The following TNS1 variants were observed in gnomAD, a reference collection of about 807,000 sequenced individuals.
TNS1 encodes the protein tensin 1, also known as tensin-1.
A neutral mutation model predicts 168.6 loss-of-function variants in TNS1; 62 were observed. The observed-to-expected ratio is 0.37, with a 90% CI of 0.30 to 0.45. The LOEUF is 0.45. TNS1 is among the 20% of genes least tolerant of loss of function. TNS1 has a pLI of 1.00. For synonymous variants in TNS1, 934 were observed against 933.2 expected, an observed-to-expected ratio of 1.00 and a Z score of -0.02; for missense variants, 2,240 against 2,339.4, an observed-to-expected ratio of 0.96 and a Z score of 0.88.
At chr2:217,869,987 G>T (rs1489714511) in intron 18 of TNS1, among the ~76,000 whole-genome samples, 1 of 150,750 alleles carries the variant, frequency 6.6e-6, no homozygotes, top group African/African-American at 2.4e-5. Flanking sequence ...CCACCCCACC[G>T]CAGTGACCAG....
At chr2:217,841,289 C>A in intron 19 of TNS1, 1 of 983,912 alleles carries the variant, frequency 1.0e-6, no homozygotes, top group Non-Finnish European at 1.2e-6. Context: ...TTGTACGCTG[C>A]CCACCCCCCA....
chr2:217,842,085 T>C (rs1946046983), intron 19 of TNS1: 1 of 702,962 alleles, frequency 1.4e-6, no homozygotes, highest in African/African-American at 1.7e-5. Flanking sequence ...TCCATGCCAG[T>C]TCCTATGCTG....
At chr2:217,869,776 C>CG (rs1949615339) in intron 18 of TNS1, among the ~76,000 whole-genome samples, 1 of 152,198 alleles carries the variant, frequency 6.6e-6, no homozygotes, top group Admixed American at 6.5e-5. Flanking sequence ...CAATAGCAGA[C>CG]GGGGGAATGG....
rs764628379 is a variant in TNS1 at position 217,818,398 on chromosome 2, T to C, written c.3934A>G (p.Ser1312Gly). Residue 1312 changes from serine (S) to glycine (G), a missense_variant, in exon 24 of 33, where the codon AGC (serine) becomes GGC (glycine). By Grantham distance (56) the Ser-to-Gly change is moderately conservative. Transcript: ENST00000682258. ...RAINPSMAAPSSPSLSHHQMM... is the reference protein window; with the variant it reads ...RAINPSMAAPGSPSLSHHQMM... ...TGGTGATGGCTCAAACTGGGACTGCTGGGGGCAGCCATGCTGGGATTGATG... is the reference window on the plus strand; with the variant it reads ...TGGTGATGGCTCAAACTGGGACTGCCGGGGGCAGCCATGCTGGGATTGATG... 4 of 1,614,114 alleles carry C rather than the reference T, an allele frequency of 2.5e-6. No individual in the cohort carries two copies. The highest frequency in any genetic ancestry group is 2.5e-6 in the Non-Finnish European group (3 of 1,180,002).
At chr2:218,031,443 G>C (rs973421882) in intron 1 of TNS1, among the ~76,000 whole-genome samples, 4 of 150,912 alleles carry the variant, frequency 2.7e-5, no homozygotes, top group African/African-American at 9.8e-5. Context: ...GTGTGCATGT[G>C]TGTATGAGCA....
chr2:217,819,610 C>CA (rs1196395874), intron 23 of TNS1, among the ~76,000 whole-genome samples: 1 of 152,190 alleles, frequency 6.6e-6, no homozygotes, highest in East Asian at 1.9e-4. Flanking sequence ...TCTAGGTCTG[C>CA]ATGGAGTGAC....
chr2:217,807,962 T>C (rs990249146), intron 32 of TNS1, 113 bp downstream of exon 32: 2 of 1,298,730 alleles, frequency 1.5e-6, no homozygotes, highest in African/African-American at 2.9e-5. Context: ...GGCACAAAGG[T>C]TTTTGCTGCT....
At chr2:217,951,979 C>T (rs10177639) in intron 3 of TNS1, among the ~76,000 whole-genome samples, 14,537 of 152,282 alleles carry the variant, frequency 0.095, 1,461 homozygotes, top group African/African-American at 0.25. Context: ...CCGCAGTGGC[C>T]CAGGCCCTGT....
chr2:217,879,954 G>A (rs1056848461), intron 18 of TNS1, among the ~76,000 whole-genome samples: 13 of 152,212 alleles, frequency 8.5e-5, no homozygotes, highest in East Asian at 1.9e-4. Flanking sequence ...CCTGGGTCAC[G>A]GGGGTAAATC....
intron 3 of TNS1, among the ~76,000 whole-genome samples, chr2:217,954,213 G>T (rs1160529606): frequency 2.6e-5 from 4 of 152,188 alleles, no homozygotes; most frequent in Admixed American, 2.6e-4. Context: ...GGCTCCTAGG[G>T]CTCTATTCTG....
At chr2:217,882,553 T>C (rs1280740351) in intron 16 of TNS1, 142 bp from the exon 17 acceptor site, 2 of 534,522 alleles carry the variant, frequency 3.7e-6, no homozygotes, top group Non-Finnish European at 6.5e-6. Context: ...TTTATACATA[T>C]ATACATGAAA....
At chr2:217,927,102 C>T (rs1163096817) in intron 3 of TNS1, among the ~76,000 whole-genome samples, 1 of 152,208 alleles carries the variant, frequency 6.6e-6, no homozygotes, top group Non-Finnish European at 1.5e-5. Context: ...AGCACATGGG[C>T]CATTTCCATT....
At chr2:217,892,888 G>A in intron 11 of TNS1, 60 bp downstream of exon 11, 2 of 1,559,372 alleles carry the variant, frequency 1.3e-6, no homozygotes, top group Non-Finnish European at 1.8e-6. Flanking sequence ...GTGGGTGGAT[G>A]AGAGGAGGGG....
At chr2:217,903,523 G>T in intron 6 of TNS1, 2 of 1,485,368 alleles carry the variant, frequency 1.3e-6, no homozygotes, top group Admixed American at 4.3e-5. Context: ...CTTCTTCCTG[G>T]CTCCTCTCAA....
Position 217,833,754 on chromosome 2 carries a change from A to G in TNS1, c.3280+1337T>C, listed in dbSNP as rs912873565. On this transcript the variant is annotated intron_variant, in intron 21 of 32. Transcript: ENST00000682258. The stretch of plus-strand genomic sequence containing the variant: ...TGACCAGTGTGAACAGAGACATGCC[A>G]TAAGTGTGAAACACACACAGGGTTT... 4.6e-5 allele frequency among the ~76,000 whole-genome samples: 7 copies of G among 152,276 alleles called. No homozygotes were observed. In the East Asian group the frequency reaches 5.8e-4, roughly 13 times the overall value.
At chr2:217,833,833 G>A (rs991068911) in intron 21 of TNS1, among the ~76,000 whole-genome samples, 86 of 152,290 alleles carry the variant, frequency 5.6e-4, no homozygotes, top group African/African-American at 1.9e-3. Flanking sequence ...TTGATTATAC[G>A]TTGAAATGCT....
At chr2:218,004,608 C>A (rs554717620), upstream of TNS1, among the ~76,000 whole-genome samples, 4 of 152,362 alleles carry the variant, frequency 2.6e-5, no homozygotes, top group East Asian at 7.7e-4. Context: ...AAGGGACTAA[C>A]CATCTATTGT....
intron 3 of TNS1, among the ~76,000 whole-genome samples, chr2:217,963,218 C>G (rs1382898695): frequency 6.6e-6 from 1 of 152,144 alleles, no homozygotes; most frequent in Non-Finnish European, 1.5e-5. Flanking sequence ...GATGCTCAGA[C>G]TAAGAGGGCA....
At position 217,949,267 on chromosome 2, in the gene TNS1, G is replaced by A. The variant is rs554467576; in HGVS notation, c.187-29031C>T. 5.3e-5 allele frequency among the ~76,000 whole-genome samples: 8 copies of A among 152,324 alleles called. No individual in the cohort carries two copies. The South Asian group carries it at 1.0e-3, about 20-fold the overall frequency. On this transcript the variant is annotated intron_variant, in intron 3 of 32. Coordinates refer to ENST00000682258, the MANE Select transcript of TNS1 (RefSeq NM_001387777.1). ...TGTTTCTAGGCAGACGTTGGTCCTT[G>A]GCAGAAAGTACTGCACACAAACCCC...
Sources: gnomAD v4.1 joint callset for allele counts (sites outside exome capture counted in the v4.1 genomes callset) on GRCh38, gnomAD v4.1.1 for gene constraint, MANE v1.5 for transcripts, NCBI Gene and HGNC (gene_info 2026-07-23, HGNC 2026-07-21) for gene names.